SIN3B: variants seen among roughly 807,000 people sequenced by gnomAD.
The protein encoded by SIN3B is SIN3 transcription regulator family member B.
SIN3B carries 19 observed loss-of-function variants against 120.2 expected under a neutral mutation model. The observed-to-expected ratio is 0.16, with a 90% CI of 0.11 to 0.23. The LOEUF is 0.23. Ranked by LOEUF, SIN3B falls within the 10% of genes least tolerant of loss-of-function variation. SIN3B has a pLI of 1.00. For synonymous variants in SIN3B, 654 were observed against 653.2 expected (o/e 1.00, Z -0.02); for missense variants, 1,073 against 1,573.0 (o/e 0.68, Z 5.38).
At chr19:16,831,716 A>C in intron 3 of SIN3B, 69 bp downstream of exon 3, 1 of 1,417,696 alleles carries the variant, frequency 7.1e-7, no homozygotes, top group South Asian at 1.2e-5. Context: ...AGGTTGGGCC[A>C]CGTGTCTCTC....
At chr19:16,867,851 C>G (rs899746786) in intron 12 of SIN3B, among the ~76,000 whole-genome samples, 3 of 152,174 alleles carry the variant, frequency 2.0e-5, no homozygotes, top group Admixed American at 1.3e-4. Flanking sequence ...CTTCCTCACT[C>G]TAGTCCTCGG....
intron 3 of SIN3B, among the ~76,000 whole-genome samples, chr19:16,840,010 A>G (rs3848657): frequency 0.12 from 18,236 of 152,152 alleles, 1,408 homozygotes; most frequent in East Asian, 0.27. Context: ...TCTCAAAACA[A>G]AAAGAACAAA....
In SIN3B at chr19:16,846,954, T is replaced by G; in HGVS notation, c.583-16T>G. The G allele has an allele frequency of 6.2e-7, 1 of 1,612,260 alleles. No individual in the cohort carries two copies. The highest frequency in any genetic ancestry group is 8.5e-7 in the Non-Finnish European group (1 of 1,178,564). ...CTTGACTAACGACTTATTTTCCCTT[T>G]CCTGAAAACTGGCAGAAGGAGCAGC... On this transcript the variant is annotated splice_polypyrimidine_tract_variant and intron_variant, in intron 4 of 18. Coordinates refer to ENST00000248054, the MANE Select transcript of SIN3B (RefSeq NM_001297595.2).
intron 12 of SIN3B, among the ~76,000 whole-genome samples, chr19:16,867,912 G>A (rs1280129375): frequency 6.6e-6 from 1 of 152,210 alleles, no homozygotes; most frequent in Non-Finnish European, 1.5e-5. Context: ...TGTGGTGTCT[G>A]CAAAGTGCAG....
intron 8 of SIN3B, chr19:16,855,297 C>T (rs555565016): frequency 6.9e-6 from 1 of 144,894 alleles, no homozygotes; most frequent in East Asian, 2.1e-4. Context: ...AAACCCCTGG[C>T]AACTACTTAT....
rs372337905 is a variant in SIN3B, at chr19:16,866,856, A to T, written c.1806+300A>T. On this transcript the variant is annotated intron_variant, in intron 12 of 18. Transcript: ENST00000248054. ...ACTGTAACCTCAGCCTCCTGGGTTCAAGTGATTCTTCTGCCTCAGCCTCCT... is the reference window on the plus strand; with the variant it reads ...ACTGTAACCTCAGCCTCCTGGGTTCTAGTGATTCTTCTGCCTCAGCCTCCT... 1.1e-4 allele frequency among the ~76,000 whole-genome samples: 16 copies of T among 152,302 alleles called. No homozygotes were observed. The East Asian group carries it at 2.5e-3, about 24-fold the overall frequency.
At chr19:16,843,061 T>C (rs981424012) in intron 4 of SIN3B, among the ~76,000 whole-genome samples, 1 of 151,826 alleles carries the variant, frequency 6.6e-6, no homozygotes, top group Non-Finnish European at 1.5e-5. Context: ...AGACGTGGAG[T>C]CTCTAACGCT....
Position 16,831,441 on chromosome 19 carries a change from A to G in SIN3B, c.228-53A>G, listed in dbSNP as rs1379307251. 7 of 1,568,368 alleles carry G rather than the reference A, an allele frequency of 4.5e-6. No individual in the cohort carries two copies. The East Asian group carries it at 1.4e-4, about 30-fold the overall frequency. ...ATCAAGGGAGTGGGGAATAGATTAT[A>G]TTTTTCATTTATTTCCCAAGACCCT... is the stretch of plus-strand genomic sequence containing the variant. On this transcript the variant is annotated intron_variant, in intron 2 of 18. Coordinates refer to ENST00000248054, the MANE Select transcript of SIN3B (RefSeq NM_001297595.2).
At chr19:16,855,382 C>CCCG (rs1971601255) in intron 8 of SIN3B, 3 of 126,136 alleles carry the variant, frequency 2.4e-5, no homozygotes, top group South Asian at 3.0e-4. Context: ...CCCCCCCCCC[C>CCCG]CCCAGCAAAA....
intron 4 of SIN3B, among the ~76,000 whole-genome samples, chr19:16,843,179 C>T (rs1971439890): frequency 6.6e-6 from 1 of 152,186 alleles, no homozygotes; most frequent in South Asian, 2.1e-4. Context: ...CTCACTGCAA[C>T]CTCAGCCTCC....
chr19:16,831,452 A>T, intron 2 of SIN3B, 42 bp from the exon 3 acceptor site: 1 of 1,591,402 alleles, frequency 6.3e-7, no homozygotes. Context: ...TTTTTCATTT[A>T]TTTCCCAAGA....
chr19:16,878,593 G>A lies in SIN3B; in HGVS notation c.3259G>A (p.Val1087Met). 6.2e-7 allele frequency: 1 copy of A among 1,612,170 alleles called. No homozygotes were observed. ...TGTGACGGTGGAGGCGGCTAGCCTGGTGCAGGACTGGCTGATGGGTGAGGA... is the reference window on the plus strand; with the variant it reads ...TGTGACGGTGGAGGCGGCTAGCCTGATGCAGGACTGGCTGATGGGTGAGGA... ...DNVTVEAASL[V>M]QDWLMGEEDE... Residue 1087 changes from valine to methionine, a missense_variant, in exon 19 of 19, where the codon GTG (valine) becomes ATG (methionine). Val to Met is a conservative substitution (Grantham distance 21). Transcript: ENST00000248054.
Position 16,841,774 on chromosome 19 carries a change from T to C in SIN3B, c.388T>C (p.Ser130Pro). 1 of 1,613,848 alleles carries C rather than the reference T, an allele frequency of 6.2e-7. No individual in the cohort carries two copies. The highest frequency in any genetic ancestry group is 8.5e-7 in the Non-Finnish European group (1 of 1,179,858). Residue 130 changes from serine to proline, a missense_variant, in exon 4 of 19, where the codon TCG (serine) becomes CCG (proline). By Grantham distance (74) the Ser-to-Pro change is moderately conservative. Coordinates refer to ENST00000248054, the MANE Select transcript of SIN3B (RefSeq NM_001297595.2). ...IQSPLTSQEN[S>P]HNHGDGAEDF... is the part of the protein sequence containing the mutation. ...CTCATTGTCGCCTTGTCAGGAGAAT[T>C]CGCACAACCACGGGGACGGTGCAGA...
intron 8 of SIN3B, among the ~76,000 whole-genome samples, chr19:16,857,553 G>GTGTGTGTGTA (rs66778532): frequency 0.042 from 5,833 of 139,390 alleles, 177 homozygotes; most frequent in African/African-American, 0.076. Context: ...GTGTGTGTGT[G>GTGTGTGTGTA]TATATATACA....
Position 16,866,563 on chromosome 19 carries a change from C to A in SIN3B, c.1806+7C>A, listed in dbSNP as rs762300681. ...CGAGAGCGTCTACGACGAGGTAAAG[C>A]CTTCCCTAGCCCTGCCGGCCGGTGG... On this transcript the variant is annotated splice_region_variant and intron_variant, in intron 12 of 18. Coordinates refer to ENST00000248054, the MANE Select transcript of SIN3B (RefSeq NM_001297595.2). 4.3e-6 allele frequency: 7 copies of A among 1,613,122 alleles called. No homozygotes were observed. In the South Asian group the frequency reaches 7.7e-5, roughly 18 times the overall value.
At chr19:16,839,797 G>C (rs1971394259) in intron 3 of SIN3B, among the ~76,000 whole-genome samples, 1 of 152,162 alleles carries the variant, frequency 6.6e-6, no homozygotes, top group African/African-American at 2.4e-5. Flanking sequence ...AAGGTGGGCA[G>C]ATCACTTGAG....
At chr19:16,844,983 G>T (rs1003683867) in intron 4 of SIN3B, among the ~76,000 whole-genome samples, 1 of 152,280 alleles carries the variant, frequency 6.6e-6, no homozygotes, top group South Asian at 2.1e-4. Context: ...ACTCCCACGG[G>T]GTTCTGGTCA....
intron 7 of SIN3B, among the ~76,000 whole-genome samples, chr19:16,853,662 G>T (rs1264781541): frequency 2.6e-5 from 4 of 151,968 alleles, no homozygotes; most frequent in Non-Finnish European, 4.4e-5. Flanking sequence ...TTGCTGCATG[G>T]ATTGCGTGCA....
chr19:16,843,773 G>T (rs1203075238), intron 4 of SIN3B, among the ~76,000 whole-genome samples: 1 of 152,228 alleles, frequency 6.6e-6, no homozygotes, highest in East Asian at 1.9e-4. Flanking sequence ...GCTGAGAGTT[G>T]GTTGAGAATG....
Sources: allele counts gnomAD v4.1 joint callset (sites outside exome capture counted in the v4.1 genomes callset), GRCh38; gene constraint gnomAD v4.1.1; transcripts MANE v1.5; gene names NCBI Gene and HGNC (gene_info 2026-07-23, HGNC 2026-07-21).